DERA: variants seen among roughly 807,000 people sequenced by gnomAD.
DERA encodes 2-deoxy-D-ribose 5-phosphate aldolase.
A neutral mutation model predicts 41.1 loss-of-function variants in DERA; 15 were observed. The observed-to-expected ratio is 0.37, with a 90% CI of 0.24 to 0.56. The LOEUF (loss-of-function observed/expected upper bound fraction) is 0.56, where lower values mean the gene tolerates loss of function less well. Ranked by LOEUF, DERA falls within the 20% of genes least tolerant of loss-of-function variation. The probability of loss-of-function intolerance (pLI) is 0.81; values close to 1 mark genes in which losing one functional copy is unlikely to be tolerated. For synonymous variants in DERA, 139 were observed against 137.4 expected (o/e 1.01, Z -0.08); for missense variants, 396 against 403.4 (o/e 0.98, Z 0.16).
chr12:16,016,835 T>G (rs990225777), intron 6 of DERA, among the ~76,000 whole-genome samples: 12 of 147,018 alleles, frequency 8.2e-5, no homozygotes, highest in African/African-American at 2.7e-4. Context: ...AAGATTAACT[T>G]AAACCCACTC....
At position 15,998,753 on chromosome 12, in the gene DERA, C is replaced by T. The variant is rs1198523349; in HGVS notation, c.637+16317C>T. Reference sequence around the variant, plus strand: ...ATTGTTCTAGTAGTTATTTTCATTGCAATGTGCTTATTTGGACCGCTGAAC... The same window carrying T: ...ATTGTTCTAGTAGTTATTTTCATTGTAATGTGCTTATTTGGACCGCTGAAC... On this transcript the variant is annotated intron_variant, in intron 6 of 8. Coordinates refer to ENST00000428559, the MANE Select transcript of DERA (RefSeq NM_015954.4). This position sits in a 1 kb window ranked among gnomAD's most constrained non-coding sequence, Gnocchi z 4.8. 6.6e-6 allele frequency among the ~76,000 whole-genome samples: 1 copy of T among 152,076 alleles called. No homozygotes were observed. The highest frequency in any genetic ancestry group is 6.6e-5 in the Admixed American group (1 of 15,252).
chr12:16,036,559 G>C lies in DERA; in HGVS notation c.901-131G>C. ...AAGTGAGTAGGGTGGAGATTCTGCT[G>C]AAGCACATACTAGTGAGGCTTTCTA... On this transcript the variant is annotated intron_variant, in intron 8 of 8. Coordinates refer to ENST00000428559, the MANE Select transcript of DERA (RefSeq NM_015954.4). The surrounding 1 kb of genome is among the most constrained non-coding windows in gnomAD (Gnocchi z 4.9). 5 of 1,005,698 alleles carry C rather than the reference G, an allele frequency of 5.0e-6. No individual in the cohort carries two copies. The East Asian group carries it at 1.4e-4, about 27-fold the overall frequency. 62.3% of individuals were successfully genotyped at this position (1,005,698 alleles called of 1,614,324 possible). A position where few individuals can be genotyped will look rare whatever the true frequency, so the allele number is the denominator to read the frequency against.
chr12:16,036,401 T>G lies in DERA; in HGVS notation c.900+20T>G, dbSNP rs1023906684. 1.3e-6 allele frequency: 2 copies of G among 1,568,886 alleles called. No homozygotes were observed. The highest frequency in any genetic ancestry group is 1.4e-5 in the African/African-American group (1 of 72,312). On this transcript the variant is annotated intron_variant, in intron 8 of 8. Coordinates refer to ENST00000428559, the MANE Select transcript of DERA (RefSeq NM_015954.4). This position sits in a 1 kb window ranked among gnomAD's most constrained non-coding sequence, Gnocchi z 4.9. ...AGGCAGGTGAGTAATCATCTCTGTC[T>G]TTGGAATAAATTAACAAGTGTTTTT...
At chr12:15,920,492 C>T (rs1052744422) in intron 1 of DERA, among the ~76,000 whole-genome samples, 7 of 152,250 alleles carry the variant, frequency 4.6e-5, no homozygotes, top group South Asian at 2.1e-4. Context: ...TCACCTAAGA[C>T]GCTTGTTAAA....
Position 15,981,184 on chromosome 12 carries a change from TAAAACTACAA to T in DERA, c.509-1120_509-1111del, listed in dbSNP as rs1422015648. Among the ~76,000 whole-genome samples the T allele has an allele frequency of 4.6e-5, 7 of 152,148 alleles. No individual in the cohort carries two copies. In the East Asian group the frequency reaches 1.2e-3, roughly 25 times the overall value. On this transcript the variant is annotated intron_variant, in intron 5 of 8. Coordinates refer to ENST00000428559, the MANE Select transcript of DERA (RefSeq NM_015954.4). The surrounding 1 kb of genome is among the most constrained non-coding windows in gnomAD (Gnocchi z 6.1). ...TAACACGGTGAAACCCCGTCTCTAC[TAAAACTACAA>T]AAAGTTACCCAGGCGTGGTGGCAGG...
At position 15,966,347 on chromosome 12, in the gene DERA, C is replaced by G. The variant is rs539775269; in HGVS notation, c.508+3400C>G. Reference sequence around the variant, plus strand: ...GGCATGGTGGCACATGCCTGTAATCCCAGCTACTCTGGAGGCTGAGGTGAG... The same window carrying G: ...GGCATGGTGGCACATGCCTGTAATCGCAGCTACTCTGGAGGCTGAGGTGAG... On this transcript the variant is annotated intron_variant, in intron 5 of 8. Coordinates refer to ENST00000428559, the MANE Select transcript of DERA (RefSeq NM_015954.4). This position sits in a 1 kb window ranked among gnomAD's most constrained non-coding sequence, Gnocchi z 5.1. Among the ~76,000 whole-genome samples the G allele has an allele frequency of 2.6e-5, 4 of 152,170 alleles. No individual in the cohort carries two copies. Among genetic ancestry groups the G allele is most frequent in the South Asian group, 2.1e-4 (1 of 4,820 alleles).
chr12:15,939,603 G>T (rs916591818), intron 1 of DERA, among the ~76,000 whole-genome samples: 5 of 151,644 alleles, frequency 3.3e-5, no homozygotes, highest in African/African-American at 1.2e-4. Flanking sequence ...AAAACAAGAG[G>T]CTTTGGTGTT....
At chr12:16,018,554 T>G (rs1285742049) in intron 6 of DERA, among the ~76,000 whole-genome samples, 1 of 152,164 alleles carries the variant, frequency 6.6e-6, no homozygotes, top group Non-Finnish European at 1.5e-5. Flanking sequence ...TTGTGGTTAA[T>G]CTATTAGAAT....
chr12:16,032,815 T>C, intron 7 of DERA, 161 bp downstream of exon 7: 1 of 587,710 alleles, frequency 1.7e-6, no homozygotes, highest in Non-Finnish European at 3.0e-6. Flanking sequence ...AACACACTGA[T>C]GGAGAAAAAT....
chr12:15,964,034 T>C (rs1039912076), intron 5 of DERA, among the ~76,000 whole-genome samples: 2 of 152,098 alleles, frequency 1.3e-5, no homozygotes. Flanking sequence ...ATTTCAGGGG[T>C]GTGTGGCAGC....
At chr12:15,960,499 A>G (rs570084647) in intron 4 of DERA, among the ~76,000 whole-genome samples, 60 of 151,460 alleles carry the variant, frequency 4.0e-4, no homozygotes, top group Admixed American at 6.6e-4. Context: ...TTAGCCAGGC[A>G]TGGTGGCAGG....
At position 16,013,115 on chromosome 12, in the gene DERA, TTC is replaced by T. The variant is rs1242155602; in HGVS notation, c.638-19421_638-19420del. Among the ~76,000 whole-genome samples the T allele has an allele frequency of 2.0e-5, 3 of 152,200 alleles. No individual in the cohort carries two copies. Among genetic ancestry groups the T allele is most frequent in the African/African-American group, 7.2e-5 (3 of 41,454 alleles). ...GTCCTAAAAGGTCCTTTAACCAGAATTCTCTCTTTGGCCAGTGTGAAATTTCC... is the reference window on the plus strand; with the variant it reads ...GTCCTAAAAGGTCCTTTAACCAGAATTCTCTTTGGCCAGTGTGAAATTTCC... On this transcript the variant is annotated intron_variant, in intron 6 of 8. Transcript: ENST00000428559. This position sits in a 1 kb window ranked among gnomAD's most constrained non-coding sequence, Gnocchi z 5.8.
In DERA at chr12:15,982,551, G is replaced by A; in HGVS notation, c.637+115G>A. On this transcript the variant is annotated intron_variant, in intron 6 of 8. Coordinates refer to ENST00000428559, the MANE Select transcript of DERA (RefSeq NM_015954.4). The surrounding 1 kb of genome is among the most constrained non-coding windows in gnomAD (Gnocchi z 4.0). ...CGTGCTAACCACTTGGAATTTTTTT[G>A]CGGGAGGAATCGGATATTTTGTAAA... is the stretch of plus-strand genomic sequence containing the variant. 1 of 1,146,140 alleles carries A rather than the reference G, an allele frequency of 8.7e-7. No individual in the cohort carries two copies. Among genetic ancestry groups the A allele is most frequent in the Non-Finnish European group, 1.2e-6 (1 of 820,176 alleles). The allele number at this position is 1,146,140 out of a possible 1,614,324, so 71.0% of individuals were successfully genotyped here.
chr12:16,028,375 A>G (rs1211744723), intron 6 of DERA, among the ~76,000 whole-genome samples: 3 of 152,252 alleles, frequency 2.0e-5, no homozygotes, highest in Admixed American at 1.3e-4. Context: ...ACCCAAGTGT[A>G]AAATAAATAT....
chr12:15,971,861 G>C, intron 5 of DERA: 1 of 307,760 alleles, frequency 3.2e-6, no homozygotes, highest in Non-Finnish European at 6.5e-6. Context: ...TTGCTAAAGT[G>C]AACAAGGCCA....
chr12:16,023,845 T>C (rs1394102856), intron 6 of DERA, among the ~76,000 whole-genome samples: 2 of 152,166 alleles, frequency 1.3e-5, no homozygotes, highest in Non-Finnish European at 2.9e-5. Context: ...TTGGGAATTA[T>C]CTGACAGAGA....
chr12:15,929,281 G>A (rs1313415667), intron 1 of DERA, among the ~76,000 whole-genome samples: 3 of 152,200 alleles, frequency 2.0e-5, no homozygotes, highest in East Asian at 3.8e-4. Flanking sequence ...AAAACCAGCC[G>A]CCTTGTCAAA....
chr12:15,963,231 A>C (rs1158441699), intron 5 of DERA, among the ~76,000 whole-genome samples: 3 of 152,168 alleles, frequency 2.0e-5, no homozygotes, highest in Admixed American at 1.3e-4. Context: ...TTATTTTACC[A>C]ACATGCTTTT....
intron 1 of DERA, among the ~76,000 whole-genome samples, chr12:15,919,612 G>A (rs1367131506): frequency 6.6e-6 from 1 of 152,226 alleles, no homozygotes; most frequent in African/African-American, 2.4e-5. Context: ...TGCCTCAGCT[G>A]TAACAGTGAG....
Sources: gnomAD v4.1 joint callset for allele counts (sites outside exome capture counted in the v4.1 genomes callset) on GRCh38, gnomAD v4.1.1 for gene constraint, Gnocchi (gnomAD v3.1) non-coding constraint, MANE v1.5 for transcripts, NCBI Gene and HGNC (gene_info 2026-07-23, HGNC 2026-07-21) for gene names.